Variants in HMBOX1 observed in about 807,000 individuals in gnomAD.
HMBOX1 encodes homeobox-containing protein 1.
HMBOX1 carries 14 observed loss-of-function variants against 54.5 expected under a neutral mutation model. That is an observed-to-expected ratio of 0.26 (90% CI 0.17 to 0.40). HMBOX1 has a LOEUF of 0.40. HMBOX1 is among the 10% of genes least tolerant of loss of function. The probability of loss-of-function intolerance (pLI) is 1.00; values close to 1 mark genes in which losing one functional copy is unlikely to be tolerated. For synonymous variants in HMBOX1, 160 were observed against 181.0 expected, an observed-to-expected ratio of 0.88 and a Z score of 0.93; for missense variants, 332 against 514.4, an observed-to-expected ratio of 0.65 and a Z score of 3.43.
At chr8:28,991,279 G>A (rs1455454459) in intron 4 of HMBOX1, among the ~76,000 whole-genome samples, 1 of 152,144 alleles carries the variant, frequency 6.6e-6, no homozygotes, top group Non-Finnish European at 1.5e-5. Context: ...ACTCATGGCA[G>A]GAATATTTTT....
At chr8:28,928,691 C>G (rs998594407) in intron 1 of HMBOX1, among the ~76,000 whole-genome samples, 2 of 152,092 alleles carry the variant, frequency 1.3e-5, no homozygotes, top group African/African-American at 2.4e-5. Flanking sequence ...CATTAGAAAA[C>G]AAGGATATTG....
chr8:29,023,529 A>T (rs1300991961), intron 6 of HMBOX1, among the ~76,000 whole-genome samples: 1 of 151,734 alleles, frequency 6.6e-6, no homozygotes, highest in Non-Finnish European at 1.5e-5. Flanking sequence ...CAGCCTCCTG[A>T]GTAGCTGGGA....
chr8:28,980,405 A>G (rs552566772), intron 4 of HMBOX1, among the ~76,000 whole-genome samples: 167 of 152,314 alleles, frequency 1.1e-3, no homozygotes, highest in Non-Finnish European at 1.4e-3. Flanking sequence ...TGTGGCTAGA[A>G]AAGGTTCCTA....
intron 4 of HMBOX1, among the ~76,000 whole-genome samples, chr8:28,992,346 T>C (rs1399367702): frequency 3.3e-5 from 5 of 152,192 alleles, no homozygotes; most frequent in Admixed American, 3.3e-4. Flanking sequence ...TAGAAGTTTT[T>C]CTGTTATTAT....
At chr8:29,020,044 T>C (rs1800932591) in intron 6 of HMBOX1, among the ~76,000 whole-genome samples, 1 of 152,212 alleles carries the variant, frequency 6.6e-6, no homozygotes, top group South Asian at 2.1e-4. Flanking sequence ...TATTGAATAA[T>C]GAATCCTTAT....
At chr8:28,899,688 C>T (rs1812840777) in intron 1 of HMBOX1, among the ~76,000 whole-genome samples, 1 of 152,154 alleles carries the variant, frequency 6.6e-6, no homozygotes, top group Non-Finnish European at 1.5e-5. Flanking sequence ...CTTTTTATTC[C>T]TATGTCAGTA....
chr8:28,986,003 T>G (rs1259044434), intron 4 of HMBOX1, among the ~76,000 whole-genome samples: 2 of 152,198 alleles, frequency 1.3e-5, no homozygotes, highest in Non-Finnish European at 2.9e-5. Flanking sequence ...GGACAAATGT[T>G]TAATGACATG....
chr8:29,032,499 A>AC (rs1316270824), intron 6 of HMBOX1, among the ~76,000 whole-genome samples: 2 of 152,046 alleles, frequency 1.3e-5, no homozygotes, highest in Non-Finnish European at 2.9e-5. Flanking sequence ...TTTGTGTTAC[A>AC]CAGGTACATT....
intron 4 of HMBOX1, among the ~76,000 whole-genome samples, chr8:29,005,356 T>C (rs1274507168): frequency 6.6e-6 from 1 of 152,186 alleles, no homozygotes; most frequent in Non-Finnish European, 1.5e-5. Context: ...AATATAGAGA[T>C]AGAAATGTAG....
intron 1 of HMBOX1, among the ~76,000 whole-genome samples, chr8:28,938,494 A>G (rs1458465024): frequency 1.3e-5 from 2 of 152,154 alleles, no homozygotes; most frequent in East Asian, 3.9e-4. Flanking sequence ...ACTGGAATAC[A>G]GTGGCACGAT....
chr8:28,947,243 C>T (rs985986351), intron 1 of HMBOX1, among the ~76,000 whole-genome samples: 1 of 152,178 alleles, frequency 6.6e-6, no homozygotes, highest in African/African-American at 2.4e-5. Flanking sequence ...GAGAAATAAA[C>T]TGTTGTCCTT....
intron 6 of HMBOX1, among the ~76,000 whole-genome samples, chr8:29,029,009 T>C (rs888953309): frequency 2.0e-5 from 3 of 152,228 alleles, no homozygotes; most frequent in African/African-American, 7.2e-5. Context: ...TAGTATATTT[T>C]TTCTTCTTGT....
chr8:28,953,368 G>A (rs1823853518), intron 1 of HMBOX1, among the ~76,000 whole-genome samples: 1 of 152,038 alleles, frequency 6.6e-6, no homozygotes, highest in South Asian at 2.1e-4. Flanking sequence ...TTTGGCATGA[G>A]TGCAACACCT....
chr8:28,952,170 A>AG (rs1366489961), intron 1 of HMBOX1, among the ~76,000 whole-genome samples: 1 of 151,294 alleles, frequency 6.6e-6, no homozygotes, highest in Non-Finnish European at 1.5e-5. Context: ...AAAAAAAAAA[A>AG]AAAAAGAAAA....
intron 1 of HMBOX1, among the ~76,000 whole-genome samples, chr8:28,937,040 G>A (rs1165917521): frequency 6.6e-6 from 1 of 152,122 alleles, no homozygotes; most frequent in Admixed American, 6.5e-5. Flanking sequence ...TCATCTTTCT[G>A]TATGTATATT....
At chr8:28,928,719 T>C (rs567488534) in intron 1 of HMBOX1, among the ~76,000 whole-genome samples, 1 of 152,084 alleles carries the variant, frequency 6.6e-6, no homozygotes, top group South Asian at 2.1e-4. Flanking sequence ...AAAGAGAAAA[T>C]AAGGATAACT....
intron 4 of HMBOX1, among the ~76,000 whole-genome samples, chr8:28,995,071 A>G (rs1831589142): frequency 6.6e-6 from 1 of 152,230 alleles, no homozygotes; most frequent in Non-Finnish European, 1.5e-5. Context: ...AAGTCAAATA[A>G]GAATTCTGGA....
intron 1 of HMBOX1, among the ~76,000 whole-genome samples, chr8:28,912,511 T>C (rs1815648285): frequency 6.6e-6 from 1 of 152,186 alleles, no homozygotes; most frequent in Non-Finnish European, 1.5e-5. Context: ...GTGTATACCC[T>C]CATTAATCTC....
At chr8:28,913,206 T>C (rs1208950398) in intron 1 of HMBOX1, among the ~76,000 whole-genome samples, 1 of 152,218 alleles carries the variant, frequency 6.6e-6, no homozygotes, top group Non-Finnish European at 1.5e-5. Flanking sequence ...AATGTTATCC[T>C]TAAGTCTTTT....
Sources: allele counts gnomAD v4.1 joint callset (sites outside exome capture counted in the v4.1 genomes callset), GRCh38; gene constraint gnomAD v4.1.1; transcripts MANE v1.5; gene names NCBI Gene and HGNC (gene_info 2026-07-23, HGNC 2026-07-21).